Variants in DLG2 observed in about 807,000 individuals in gnomAD.
DLG2 encodes the protein disks large homolog 2.
Under a neutral mutation model 132.5 loss-of-function variants are expected in DLG2, and 45 were observed. That is an observed-to-expected ratio of 0.34 (90% CI 0.27 to 0.44). DLG2 has a LOEUF of 0.44. Among genes scored for constraint, DLG2 ranks in the 20% least tolerant of loss-of-function variants. The pLI is 1.00. For missense variants in DLG2, 1,045 were observed against 1,196.9 expected (o/e 0.87, Z 1.87); for synonymous variants, 424 against 419.6 (o/e 1.01, Z -0.13).
At chr11:84,288,450 A>G (rs934157809) in intron 7 of DLG2, among the ~76,000 whole-genome samples, 5 of 152,258 alleles carry the variant, frequency 3.3e-5, no homozygotes, top group Middle Eastern at 3.4e-3. Flanking sequence ...TGAAGATAGA[A>G]TACCTATGAC....
chr11:83,522,598 T>C (rs2095508781), intron 21 of DLG2, among the ~76,000 whole-genome samples: 2 of 152,170 alleles, frequency 1.3e-5, no homozygotes, highest in African/African-American at 4.8e-5. Context: ...TTCTTTCTTC[T>C]CACATTATTT....
chr11:84,890,499 TC>T (rs2089185599), intron 6 of DLG2, among the ~76,000 whole-genome samples: 1 of 152,160 alleles, frequency 6.6e-6, no homozygotes, highest in Non-Finnish European at 1.5e-5. Flanking sequence ...ATATGTTCTC[TC>T]CCCGGAGGAG....
chr11:84,510,267 T>G (rs556634029), intron 7 of DLG2, among the ~76,000 whole-genome samples: 2 of 152,018 alleles, frequency 1.3e-5, no homozygotes, highest in African/African-American at 4.8e-5. Context: ...TGCCAGTTAC[T>G]GAGCTAGATG....
intron 10 of DLG2, among the ~76,000 whole-genome samples, chr11:84,095,302 C>A (rs549577476): frequency 6.6e-6 from 1 of 152,060 alleles, no homozygotes; most frequent in Non-Finnish European, 1.5e-5. Context: ...CTAAGGAGTT[C>A]GGTTATCTCA....
chr11:84,339,181 T>A (rs569544820), intron 7 of DLG2, among the ~76,000 whole-genome samples: 1 of 152,276 alleles, frequency 6.6e-6, no homozygotes, highest in Non-Finnish European at 1.5e-5. Context: ...TCTATCAAGC[T>A]GAAGGGATGG....
chr11:85,504,930 C>A (rs1410811233), intron 3 of DLG2, among the ~76,000 whole-genome samples: 2 of 152,134 alleles, frequency 1.3e-5, no homozygotes, highest in Non-Finnish European at 2.9e-5. Context: ...TCCTTCACAT[C>A]CCTTGTAAGT....
At chr11:83,618,132 AATCTT>A (rs1298303874) in intron 19 of DLG2, among the ~76,000 whole-genome samples, 2 of 152,150 alleles carry the variant, frequency 1.3e-5, no homozygotes, top group African/African-American at 2.4e-5. Flanking sequence ...TGATCATCTG[AATCTT>A]ATCTTTTATT....
chr11:83,917,490 TG>T (rs1381092885), intron 15 of DLG2, among the ~76,000 whole-genome samples: 1 of 152,204 alleles, frequency 6.6e-6, no homozygotes, highest in Non-Finnish European at 1.5e-5. Flanking sequence ...AAGCAGACAC[TG>T]TTATAGTACA....
chr11:85,487,114 C>A (rs1206000025), intron 3 of DLG2, among the ~76,000 whole-genome samples: 1 of 149,840 alleles, frequency 6.7e-6, no homozygotes, highest in Non-Finnish European at 1.5e-5. Context: ...TCCTATTCAG[C>A]CAACAATGTA....
chr11:84,645,499 G>T (rs2099673610), intron 6 of DLG2, among the ~76,000 whole-genome samples: 1 of 152,032 alleles, frequency 6.6e-6, no homozygotes, highest in Admixed American at 6.6e-5. Context: ...ACAGAGTCTC[G>T]CTCTGTCACC....
intron 18 of DLG2, among the ~76,000 whole-genome samples, chr11:83,751,377 A>C (rs898945460): frequency 6.6e-6 from 1 of 152,146 alleles, no homozygotes; most frequent in Non-Finnish European, 1.5e-5. Flanking sequence ...GGTCAATATT[A>C]AGGACTTTGG....
In DLG2 at chr11:84,973,388, G is replaced by T. The variant is rs1467775680; in HGVS notation, c.357+138273C>A. Among the ~76,000 whole-genome samples the T allele has an allele frequency of 2.0e-5, 3 of 152,092 alleles. No homozygotes were observed. In the East Asian group the frequency reaches 5.8e-4, roughly 29 times the overall value. ...TATTGTAGTAATCATGCAGCAAATGGCTTCTTATGTTCCTCGTGAAATGTA... is the reference window on the plus strand; with the variant it reads ...TATTGTAGTAATCATGCAGCAAATGTCTTCTTATGTTCCTCGTGAAATGTA... On this transcript the variant is annotated intron_variant, in intron 6 of 27. Transcript: ENST00000376104.
At chr11:85,140,194 G>A (rs1273793191) in intron 5 of DLG2, among the ~76,000 whole-genome samples, 4 of 151,802 alleles carry the variant, frequency 2.6e-5, no homozygotes, top group African/African-American at 9.7e-5. Context: ...GGAATTGCTG[G>A]GTCATACAGT....
rs536263074 is a variant in DLG2, at chr11:83,597,430, G to A, written c.1940+35781C>T. 3.9e-5 allele frequency among the ~76,000 whole-genome samples: 6 copies of A among 152,292 alleles called. No homozygotes were observed. The South Asian group carries it at 1.2e-3, about 32-fold the overall frequency. On this transcript the variant is annotated intron_variant, in intron 19 of 27. Transcript: ENST00000376104. ...TGGTCAGACACAGTGGCTCATGCCT[G>A]TAATCCCAGTACTTTGGGAGGCCGA... is the stretch of plus-strand genomic sequence containing the variant.
chr11:83,961,079 T>C (rs923204244), intron 14 of DLG2, among the ~76,000 whole-genome samples: 7 of 152,098 alleles, frequency 4.6e-5, no homozygotes, highest in Non-Finnish European at 8.8e-5. Context: ...ACAGTAAGTA[T>C]AGTTACTGTA....
intron 9 of DLG2, among the ~76,000 whole-genome samples, chr11:84,119,267 C>G (rs1042575289): frequency 4.6e-5 from 7 of 151,962 alleles, no homozygotes; most frequent in Non-Finnish European, 7.4e-5. Context: ...ACCCAAATAC[C>G]GCTATTTCAC....
intron 17 of DLG2, among the ~76,000 whole-genome samples, chr11:83,825,147 A>C (rs1415649098): frequency 2.3e-5 from 2 of 86,340 alleles, no homozygotes; most frequent in East Asian, 6.9e-4. Flanking sequence ...ACACACACAC[A>C]CACACATATA....
chr11:84,963,041 C>G (rs2052810083), intron 6 of DLG2, among the ~76,000 whole-genome samples: 2 of 152,076 alleles, frequency 1.3e-5, no homozygotes, highest in African/African-American at 4.8e-5. Flanking sequence ...GCAGTGGCTC[C>G]CATAATAACT....
At chr11:84,591,142 C>T (rs1449924448) in intron 6 of DLG2, among the ~76,000 whole-genome samples, 1 of 151,808 alleles carries the variant, frequency 6.6e-6, no homozygotes, top group Non-Finnish European at 1.5e-5. Flanking sequence ...ACCATACTGT[C>T]ATACTCCATG....
Sources: gnomAD v4.1 joint callset for allele counts (sites outside exome capture counted in the v4.1 genomes callset) on GRCh38, gnomAD v4.1.1 for gene constraint, MANE v1.5 for transcripts, NCBI Gene and HGNC (gene_info 2026-07-23, HGNC 2026-07-21) for gene names.